The following MYO5B variants were observed in gnomAD, a reference collection of about 807,000 sequenced individuals.
MYO5B encodes myosin VB, also known as unconventional myosin-Vb.
In MYO5B, 143 loss-of-function variants were observed where a neutral mutation model predicts 229.3. The ratio of observed to expected loss-of-function variants is 0.62; its 90% CI spans 0.54 to 0.72. The LOEUF (loss-of-function observed/expected upper bound fraction) is 0.72. MYO5B is among the 30% of genes least tolerant of loss of function. The probability of loss-of-function intolerance (pLI) is 0.00; values close to 1 mark genes in which losing one functional copy is unlikely to be tolerated. For missense variants in MYO5B, 2,321 were observed against 2,331.0 expected, an observed-to-expected ratio of 1.00 and a Z score of 0.09; for synonymous variants, 918 against 885.2, an observed-to-expected ratio of 1.04 and a Z score of -0.66.
intron 33 of MYO5B, among the ~76,000 whole-genome samples, chr18:49,846,141 C>G (rs959804356): frequency 1.3e-5 from 2 of 152,212 alleles, no homozygotes; most frequent in African/African-American, 2.4e-5. Flanking sequence ...TAAGAAACTG[C>G]AGATGATCGC....
chr18:49,831,520 A>G (rs1022597848), intron 39 of MYO5B, among the ~76,000 whole-genome samples: 6 of 152,210 alleles, frequency 3.9e-5, no homozygotes, highest in Non-Finnish European at 7.3e-5. Context: ...AAAAGATGCT[A>G]GTCATCAGAG....
intron 24 of MYO5B, among the ~76,000 whole-genome samples, chr18:49,878,726 CTG>C (rs2024553878): frequency 6.6e-6 from 1 of 152,194 alleles, no homozygotes; most frequent in Non-Finnish European, 1.5e-5. Context: ...AAACTCATAA[CTG>C]AGATCTTCAT....
chr18:50,165,388 G>C (rs963316773), intron 1 of MYO5B, among the ~76,000 whole-genome samples: 5 of 151,966 alleles, frequency 3.3e-5, no homozygotes, highest in African/African-American at 1.2e-4. Flanking sequence ...GCTCAGGTGG[G>C]AGAATCACTT....
At chr18:49,988,671 A>T (rs1161355164) in intron 7 of MYO5B, among the ~76,000 whole-genome samples, 1 of 152,160 alleles carries the variant, frequency 6.6e-6, no homozygotes, top group Non-Finnish European at 1.5e-5. Context: ...CACCTCCTGC[A>T]AGTTGGCCCC....
chr18:49,941,323 A>C (rs2025311470), intron 14 of MYO5B, among the ~76,000 whole-genome samples: 1 of 152,200 alleles, frequency 6.6e-6, no homozygotes, highest in Admixed American at 6.5e-5. Context: ...TCTGGTGAGC[A>C]GCCCAAGCCC....
chr18:50,004,708 A>G (rs1039526740), intron 4 of MYO5B, among the ~76,000 whole-genome samples: 1 of 152,174 alleles, frequency 6.6e-6, no homozygotes, highest in Non-Finnish European at 1.5e-5. Flanking sequence ...TCCAAAGGCT[A>G]TGATAAGCTC....
intron 35 of MYO5B, among the ~76,000 whole-genome samples, chr18:49,840,973 C>T (rs2024048792): frequency 6.6e-6 from 1 of 152,218 alleles, no homozygotes; most frequent in African/African-American, 2.4e-5. Flanking sequence ...AATCAGTTGG[C>T]TTAGGAGACA....
At chr18:50,167,822 C>T (rs974627153) in intron 1 of MYO5B, among the ~76,000 whole-genome samples, 1 of 152,128 alleles carries the variant, frequency 6.6e-6, no homozygotes, top group Non-Finnish European at 1.5e-5. Context: ...ATGTTCAAGT[C>T]CCCAAAATAA....
chr18:50,007,374 C>T (rs1171829606), intron 4 of MYO5B, among the ~76,000 whole-genome samples: 2 of 152,136 alleles, frequency 1.3e-5, no homozygotes, highest in Non-Finnish European at 2.9e-5. Context: ...CCTTTTAGTC[C>T]ACACCATCAT....
At chr18:50,181,048 A>G (rs1459867810) in intron 1 of MYO5B, among the ~76,000 whole-genome samples, 1 of 152,214 alleles carries the variant, frequency 6.6e-6, no homozygotes, top group Non-Finnish European at 1.5e-5. Context: ...AAGAGAGTAA[A>G]AAGAGTATTC....
In MYO5B at chr18:49,940,834, C is replaced by A. The variant is rs920571172; in HGVS notation, c.1753-3437G>T. Among the ~76,000 whole-genome samples, 23 of 152,340 alleles carry A rather than the reference C, an allele frequency of 1.5e-4. No homozygotes were observed. In the Middle Eastern group the frequency reaches 0.014, roughly 90 times the overall value. ...GAGTGTGCCCACCTGCACATACGTA[C>A]AAGGTTACAATGCCTAATGTTTAAA... On this transcript the variant is annotated intron_variant, in intron 14 of 39. Transcript: ENST00000285039.
At chr18:50,132,219 G>T (rs2032265013) in intron 1 of MYO5B, among the ~76,000 whole-genome samples, 1 of 152,156 alleles carries the variant, frequency 6.6e-6, no homozygotes, top group African/African-American at 2.4e-5. Flanking sequence ...AGTCCTTTTA[G>T]GATCCTCTGG....
At chr18:50,010,057 G>C (rs1275368494) in intron 4 of MYO5B, among the ~76,000 whole-genome samples, 1 of 152,212 alleles carries the variant, frequency 6.6e-6, no homozygotes, top group African/African-American at 2.4e-5. Flanking sequence ...AAGCCATTCA[G>C]GAAGGCTGTC....
At chr18:50,151,180 C>T (rs1441706857) in intron 1 of MYO5B, among the ~76,000 whole-genome samples, 1 of 152,138 alleles carries the variant, frequency 6.6e-6, no homozygotes, top group African/African-American at 2.4e-5. Context: ...TTTTTAATCC[C>T]ACTCCCACAG....
intron 30 of MYO5B, among the ~76,000 whole-genome samples, chr18:49,854,525 C>T (rs1044996487): frequency 4.6e-5 from 7 of 152,292 alleles, no homozygotes; most frequent in Admixed American, 4.6e-4. Flanking sequence ...GTTACTTAAA[C>T]CAGCTTTCCG....
intron 5 of MYO5B, among the ~76,000 whole-genome samples, chr18:49,997,266 TTAAA>T (rs1410316085): frequency 3.0e-5 from 2 of 66,782 alleles, no homozygotes; most frequent in Non-Finnish European, 5.7e-5. Flanking sequence ...GGTCCTGTCT[TTAAA>T]AAAAAAAAAA....
At chr18:50,093,127 A>C (rs2031481638) in intron 1 of MYO5B, among the ~76,000 whole-genome samples, 1 of 152,022 alleles carries the variant, frequency 6.6e-6, no homozygotes, top group Non-Finnish European at 1.5e-5. Flanking sequence ...TTCCCTCATG[A>C]TTCAAGAAAT....
chr18:50,014,447 G>C (rs1043882578), intron 4 of MYO5B, among the ~76,000 whole-genome samples: 1 of 152,222 alleles, frequency 6.6e-6, no homozygotes, highest in Admixed American at 6.5e-5. Flanking sequence ...GTTTGTAAGA[G>C]AGAGTATTAA....
chr18:50,064,352 A>T (rs2030765836), intron 1 of MYO5B: 1 of 152,390 alleles, frequency 6.6e-6, no homozygotes, highest in Non-Finnish European at 1.5e-5. Flanking sequence ...AAAAAAGCTA[A>T]AAAAGATTTC....
Sources: gnomAD v4.1 joint callset for allele counts (sites outside exome capture counted in the v4.1 genomes callset) on GRCh38, gnomAD v4.1.1 for gene constraint, MANE v1.5 for transcripts, NCBI Gene and HGNC (gene_info 2026-07-23, HGNC 2026-07-21) for gene names.